LRRC42: variants seen among roughly 807,000 people sequenced by gnomAD.
LRRC42 encodes the protein leucine rich repeat containing 42.
LRRC42 carries 43 observed loss-of-function variants against 44.3 expected under a neutral mutation model. The observed-to-expected ratio is 0.97, with a 90% CI of 0.76 to 1.25. LRRC42 has a LOEUF of 1.25. LRRC42 is among the 50% of genes most tolerant of loss of function. The pLI is 0.00. For synonymous variants in LRRC42, 207 were observed against 195.2 expected (o/e 1.06, Z -0.50); for missense variants, 540 against 509.1 (o/e 1.06, Z -0.58).
chr1:53,951,291 G>C (rs1231408432), intron 2 of LRRC42, among the ~76,000 whole-genome samples: 2 of 152,208 alleles, frequency 1.3e-5, no homozygotes, highest in Non-Finnish European at 2.9e-5. Flanking sequence ...CCAATTGTTA[G>C]ACATTTAGGT....
intron 2 of LRRC42, 138 bp from the exon 3 acceptor site, chr1:53,951,848 C>G: frequency 1.5e-6 from 1 of 672,816 alleles, no homozygotes. Context: ...TCCCAGGCAA[C>G]TGGTGAGTTT....
chr1:53,958,217 C>G lies in LRRC42; in HGVS notation c.542C>G (p.Ser181Cys). The G allele has an allele frequency of 6.2e-7, 1 of 1,613,852 alleles. No individual in the cohort carries two copies. Among genetic ancestry groups the G allele is most frequent in the South Asian group, 1.1e-5 (1 of 91,072 alleles). ...SFRELTCLDL[S>C]CCKLGDEHEL... ...CGGGAGCTGACCTGCCTGGATCTTT[C>G]CTGTTGCAAGCTTGGAGATGAGCAT... The change falls in exon 4 of 9, where the codon TCC becomes TGC. Residue 181 changes from serine to cysteine, a missense_variant. By Grantham distance (112) the Ser-to-Cys change is moderately radical. Coordinates refer to ENST00000371370, the MANE Select transcript of LRRC42 (RefSeq NM_001256409.2).
intron 3 of LRRC42, among the ~76,000 whole-genome samples, chr1:53,955,660 G>A (rs1366477267): frequency 2.2e-5 from 3 of 136,634 alleles, no homozygotes; most frequent in East Asian, 2.2e-4. Flanking sequence ...ACGGAGTCTC[G>A]CTCTGTCACC....
chr1:53,947,519 T>C (rs1654541077), intron 1 of LRRC42, among the ~76,000 whole-genome samples: 1 of 152,080 alleles, frequency 6.6e-6, no homozygotes, highest in South Asian at 2.1e-4. Flanking sequence ...CATAGTTTAG[T>C]TTCTGTTTAG....
chr1:53,958,409 AT>A (rs761449444), intron 4 of LRRC42, 129 bp downstream of exon 4: 29 of 1,203,070 alleles, frequency 2.4e-5, no homozygotes, highest in Non-Finnish European at 3.2e-5. Context: ...TTCCTAAAAC[AT>A]TTTCAATCTC....
At position 53,958,210 on chromosome 1, in the gene LRRC42, G is replaced by A. The variant is rs1402671915; in HGVS notation, c.535G>A (p.Asp179Asn). Residue 179 changes from aspartate (D) to asparagine (N), a missense_variant, in exon 4 of 9, where the codon GAT becomes AAT. Transcript: ENST00000371370. Reference sequence around the variant, plus strand: ...GTCTTTCCGGGAGCTGACCTGCCTGGATCTTTCCTGTTGCAAGCTTGGAGA... The same window carrying A: ...GTCTTTCCGGGAGCTGACCTGCCTGAATCTTTCCTGTTGCAAGCTTGGAGA... ...IKSFRELTCL[D>N]LSCCKLGDEH... 6.2e-7 allele frequency: 1 copy of A among 1,613,892 alleles called. No individual in the cohort carries two copies. The highest frequency in any genetic ancestry group is 2.2e-5 in the East Asian group (1 of 44,856).
rs1165493499 is a variant in LRRC42 at position 53,967,992 on chromosome 1, A to C, written c.*53A>C. ...GGCCCCCAGCTCTAGTGTTTGAGTA[A>C]AGGAGACTGAGGATGATTTACTTTT... On this transcript the variant is annotated 3_prime_UTR_variant, in exon 9 of 9. Coordinates refer to ENST00000371370, the MANE Select transcript of LRRC42 (RefSeq NM_001256409.2). 6.5e-6 allele frequency: 10 copies of C among 1,549,982 alleles called. No individual in the cohort carries two copies. Among genetic ancestry groups the C allele is most frequent in the East Asian group, 4.5e-5 (2 of 44,300 alleles).
intron 7 of LRRC42, among the ~76,000 whole-genome samples, chr1:53,964,091 C>T (rs1655065934): frequency 6.6e-6 from 1 of 151,952 alleles, no homozygotes; most frequent in Non-Finnish European, 1.5e-5. Flanking sequence ...CCCCTCCTTG[C>T]CTACTCAGTT....
At chr1:53,951,714 T>C (rs1260092483) in intron 2 of LRRC42, among the ~76,000 whole-genome samples, 1 of 152,146 alleles carries the variant, frequency 6.6e-6, no homozygotes, top group Non-Finnish European at 1.5e-5. Flanking sequence ...CGTGAGCTAA[T>C]GCGTCCGGCC....
intron 4 of LRRC42, among the ~76,000 whole-genome samples, chr1:53,959,630 A>C (rs1319431211): frequency 1.3e-5 from 2 of 152,240 alleles, no homozygotes; most frequent in Non-Finnish European, 2.9e-5. Context: ...TATTAACCCA[A>C]ACTGAAAATC....
chr1:53,948,304 G>A (rs901030499), intron 2 of LRRC42, among the ~76,000 whole-genome samples: 19 of 152,126 alleles, frequency 1.2e-4, no homozygotes, highest in African/African-American at 4.3e-4. Flanking sequence ...CACCTGACTG[G>A]CATAGTCATG....
At chr1:53,965,210 C>T (rs1482205945) in intron 7 of LRRC42, among the ~76,000 whole-genome samples, 1 of 151,764 alleles carries the variant, frequency 6.6e-6, no homozygotes, top group African/African-American at 2.4e-5. Flanking sequence ...CCAGCCTGGT[C>T]TCGAACTCCT....
chr1:53,964,995 A>ATTGTTTTTTT (rs757970775), intron 7 of LRRC42, among the ~76,000 whole-genome samples: 1 of 137,658 alleles, frequency 7.3e-6, no homozygotes, highest in Admixed American at 7.0e-5. Context: ...CTGGAACTGT[A>ATTGTTTTTTT]TTGTTTTTTT....
chr1:53,965,668 G>C (rs1007549452), intron 7 of LRRC42, among the ~76,000 whole-genome samples: 2 of 151,196 alleles, frequency 1.3e-5, no homozygotes, highest in Non-Finnish European at 2.9e-5. Flanking sequence ...GTAGAGACGG[G>C]GTTTCACTGT....
At chr1:53,948,827 T>C (rs12073674) in intron 2 of LRRC42, among the ~76,000 whole-genome samples, 35,416 of 152,098 alleles carry the variant, frequency 0.23, 5,838 homozygotes, top group African/African-American at 0.47. Context: ...CCTTTCTGGT[T>C]CTTAGCCTTG....
chr1:53,952,916 C>T (rs551151889), intron 3 of LRRC42, among the ~76,000 whole-genome samples: 25 of 152,164 alleles, frequency 1.6e-4, no homozygotes, highest in Admixed American at 1.5e-3. Context: ...TTTCAAATAT[C>T]CTAAAGTTTG....
At chr1:53,961,751 AT>A (rs1655001112) in intron 5 of LRRC42, among the ~76,000 whole-genome samples, 1 of 152,222 alleles carries the variant, frequency 6.6e-6, no homozygotes, top group South Asian at 2.1e-4. Flanking sequence ...ATGGTTCCAA[AT>A]TAAACCCTTT....
At chr1:53,957,250 C>G (rs948498717) in intron 3 of LRRC42, among the ~76,000 whole-genome samples, 2 of 152,166 alleles carry the variant, frequency 1.3e-5, no homozygotes, top group African/African-American at 4.8e-5. Context: ...GTGGAAACTT[C>G]CAGACATTCA....
intron 2 of LRRC42, among the ~76,000 whole-genome samples, chr1:53,950,306 G>C (rs1158975585): frequency 2.0e-5 from 3 of 152,226 alleles, no homozygotes; most frequent in Non-Finnish European, 2.9e-5. Flanking sequence ...GTTTACCTGG[G>C]TAGTATGACA....
Sources: allele counts gnomAD v4.1 joint callset (sites outside exome capture counted in the v4.1 genomes callset), GRCh38; gene constraint gnomAD v4.1.1; transcripts MANE v1.5; gene names NCBI Gene and HGNC (gene_info 2026-07-23, HGNC 2026-07-21).